ARHGAP24: variants seen among roughly 807,000 people sequenced by gnomAD.
ARHGAP24 encodes Rho GTPase activating protein 24.
Under a neutral mutation model 76.4 loss-of-function variants are expected in ARHGAP24, and 50 were observed. The ratio of observed to expected loss-of-function variants is 0.65; its 90% CI spans 0.52 to 0.83. The LOEUF (loss-of-function observed/expected upper bound fraction) is 0.83, where lower values mean the gene tolerates loss of function less well. Among genes scored for constraint, ARHGAP24 ranks in the 40% least tolerant of loss-of-function variants. ARHGAP24 has a pLI of 0.00. For synonymous variants in ARHGAP24, 345 were observed against 323.3 expected (o/e 1.07, Z -0.72); for missense variants, 930 against 914.2 (o/e 1.02, Z -0.22).
At chr4:85,559,870 A>G (rs1726526310) in intron 1 of ARHGAP24, among the ~76,000 whole-genome samples, 1 of 152,166 alleles carries the variant, frequency 6.6e-6, no homozygotes, top group South Asian at 2.1e-4. Context: ...TTCCCGTTTC[A>G]GATGCCATTG....
intron 3 of ARHGAP24, among the ~76,000 whole-genome samples, chr4:85,838,608 G>C (rs1730423149): frequency 6.6e-6 from 1 of 151,984 alleles, no homozygotes; most frequent in Non-Finnish European, 1.5e-5. Flanking sequence ...CAAAGAAAAA[G>C]GCCAAAATAA....
In ARHGAP24 at chr4:85,563,914, A is replaced by C. The variant is rs551625282; in HGVS notation, c.-20-6608A>C. ...TTATCCTGAAATTATTTAAATATTT[A>C]GGACACTAAAAGAGTTCCAGGTTCT... On this transcript the variant is annotated intron_variant, in intron 1 of 9. Transcript: ENST00000395184. 3.5e-4 allele frequency among the ~76,000 whole-genome samples: 53 copies of C among 152,336 alleles called. 1 individual carries two copies. The South Asian group carries it at 0.011, about 32-fold the overall frequency.
At chr4:85,627,702 C>T (rs1721011534) in intron 2 of ARHGAP24, among the ~76,000 whole-genome samples, 1 of 152,240 alleles carries the variant, frequency 6.6e-6, no homozygotes, top group Non-Finnish European at 1.5e-5. Context: ...CCTCCTTGAG[C>T]TGTGGTGGGC....
In ARHGAP24 at chr4:85,981,872, C is replaced by A. The variant is rs185821745; in HGVS notation, c.928+4181C>A. 2.0e-5 allele frequency among the ~76,000 whole-genome samples: 3 copies of A among 152,210 alleles called. No homozygotes were observed. The East Asian group carries it at 5.8e-4, about 29-fold the overall frequency. On this transcript the variant is annotated intron_variant, in intron 8 of 9. Transcript: ENST00000395184. ...ATCCCTCCCACTTTTAGCCGCTCTT[C>A]TTAAATTAACTCTTCGCATTTTCCA...
At chr4:85,867,910 C>CAT (rs1553936418) in intron 3 of ARHGAP24, among the ~76,000 whole-genome samples, 1 of 144,268 alleles carries the variant, frequency 6.9e-6, no homozygotes, top group African/African-American at 2.5e-5. Context: ...TATATATATA[C>CAT]ATATATGTAC....
intron 9 of ARHGAP24, chr4:86,000,272 A>T (rs1487595026): frequency 2.2e-6 from 1 of 455,746 alleles, no homozygotes; most frequent in African/African-American, 2.0e-5. Flanking sequence ...CTAATGACTA[A>T]GGTGACAGTA....
chr4:85,982,796 T>G (rs1739747511), intron 8 of ARHGAP24, among the ~76,000 whole-genome samples: 1 of 152,138 alleles, frequency 6.6e-6, no homozygotes, highest in African/African-American at 2.4e-5. Context: ...CTGGGGCACA[T>G]GTACAGGATT....
At chr4:85,981,866 G>T (rs973851751) in intron 8 of ARHGAP24, among the ~76,000 whole-genome samples, 2 of 151,988 alleles carry the variant, frequency 1.3e-5, no homozygotes, top group Non-Finnish European at 1.5e-5. Flanking sequence ...ACTTTTAGCC[G>T]CTCTTCTTAA....
chr4:85,944,295 G>T (rs1299454305), intron 5 of ARHGAP24, among the ~76,000 whole-genome samples: 1 of 152,124 alleles, frequency 6.6e-6, no homozygotes, highest in Non-Finnish European at 1.5e-5. Context: ...GATTACTTAG[G>T]ATAAATTCTT....
At chr4:85,625,464 C>T (rs1042489098) in intron 2 of ARHGAP24, among the ~76,000 whole-genome samples, 10 of 152,072 alleles carry the variant, frequency 6.6e-5, no homozygotes, top group African/African-American at 2.4e-4. Context: ...TGTTCTTTTA[C>T]ATTTGCTGAG....
At chr4:85,936,150 C>A (rs887614990) in intron 4 of ARHGAP24, among the ~76,000 whole-genome samples, 4 of 152,084 alleles carry the variant, frequency 2.6e-5, no homozygotes, top group African/African-American at 7.2e-5. Context: ...AGCAGAGTTG[C>A]AGTAAGCAGA....
chr4:85,996,495 C>T (rs1740666889), intron 9 of ARHGAP24, among the ~76,000 whole-genome samples: 2 of 152,162 alleles, frequency 1.3e-5, no homozygotes, highest in Admixed American at 1.3e-4. Context: ...GTGCTAGGAT[C>T]CTCAGTTGGT....
At chr4:85,905,649 A>G (rs1225390585) in intron 3 of ARHGAP24, among the ~76,000 whole-genome samples, 1 of 152,318 alleles carries the variant, frequency 6.6e-6, no homozygotes, top group Non-Finnish European at 1.5e-5. Context: ...ACTGAGCATC[A>G]GTCTTCTCCC....
At chr4:85,679,733 G>A (rs757901434) in intron 2 of ARHGAP24, among the ~76,000 whole-genome samples, 11 of 152,052 alleles carry the variant, frequency 7.2e-5, no homozygotes, top group Admixed American at 2.0e-4. Context: ...GCTGCCACTC[G>A]CCTTCCTGAC....
chr4:85,874,571 G>A (rs1020862205), intron 3 of ARHGAP24, among the ~76,000 whole-genome samples: 2 of 151,648 alleles, frequency 1.3e-5, no homozygotes, highest in Non-Finnish European at 2.9e-5. Context: ...GCTTCAAAAC[G>A]TTAGTATTCT....
At chr4:85,644,914 A>T (rs1419381588) in intron 2 of ARHGAP24, among the ~76,000 whole-genome samples, 2 of 152,100 alleles carry the variant, frequency 1.3e-5, no homozygotes, top group East Asian at 3.9e-4. Context: ...TAAACTATAG[A>T]TGATGGCAAG....
intron 2 of ARHGAP24, among the ~76,000 whole-genome samples, chr4:85,698,227 C>A (rs913632010): frequency 6.6e-6 from 1 of 152,150 alleles, no homozygotes; most frequent in African/African-American, 2.4e-5. Flanking sequence ...CTTACCAGAG[C>A]AGCTTCATTT....
chr4:85,793,483 A>G (rs776729814), intron 3 of ARHGAP24, among the ~76,000 whole-genome samples: 3 of 152,142 alleles, frequency 2.0e-5, no homozygotes, highest in Non-Finnish European at 4.4e-5. Flanking sequence ...GAAATTTCAA[A>G]CCTTATTTCC....
At chr4:85,731,461 A>G (rs191462207) in intron 3 of ARHGAP24, among the ~76,000 whole-genome samples, 6 of 152,310 alleles carry the variant, frequency 3.9e-5, no homozygotes, top group African/African-American at 1.4e-4. Context: ...GAATTAATGA[A>G]TAAACAAGAC....
Sources: allele counts gnomAD v4.1 joint callset (sites outside exome capture counted in the v4.1 genomes callset), GRCh38; gene constraint gnomAD v4.1.1; transcripts MANE v1.5; gene names NCBI Gene and HGNC (gene_info 2026-07-23, HGNC 2026-07-21).